Variants in LARGE1 observed in about 807,000 individuals in gnomAD.
The protein encoded by LARGE1 is LARGE xylosyl- and glucuronyltransferase 1.
Under a neutral mutation model 87.6 loss-of-function variants are expected in LARGE1, and 43 were observed. The ratio of observed to expected loss-of-function variants is 0.49; its 90% CI spans 0.38 to 0.63. The LOEUF is 0.63. Ranked by LOEUF, LARGE1 falls within the 30% of genes least tolerant of loss-of-function variation. The pLI, the probability that LARGE1 is intolerant of heterozygous loss-of-function variation, is 0.00. For synonymous variants in LARGE1, 434 were observed against 394.6 expected (o/e 1.10, Z -1.18); for missense variants, 802 against 1,000.2 (o/e 0.80, Z 2.67).
chr22:33,382,098 C>T, intron 8 of LARGE1, 54 bp from the exon 9 acceptor site: 1 of 1,609,984 alleles, frequency 6.2e-7, no homozygotes, highest in South Asian at 1.1e-5. Context: ...TCCAGCTGCC[C>T]ATTTTGGCTC....
chr22:33,678,490 A>G (rs539797005), intron 2 of LARGE1, among the ~76,000 whole-genome samples: 1 of 152,208 alleles, frequency 6.6e-6, no homozygotes, highest in African/African-American at 2.4e-5. Flanking sequence ...AGAATTCCTC[A>G]CTTTACATAA....
chr22:33,500,153 T>G (rs2070360028), intron 6 of LARGE1, among the ~76,000 whole-genome samples: 2 of 152,248 alleles, frequency 1.3e-5, no homozygotes, highest in Non-Finnish European at 2.9e-5. Flanking sequence ...TAAGATAATA[T>G]GTAAGTCTGC....
At chr22:33,274,849 A>G (rs1928888474) in intron 14 of LARGE1, among the ~76,000 whole-genome samples, 1 of 152,142 alleles carries the variant, frequency 6.6e-6, no homozygotes, top group Non-Finnish European at 1.5e-5. Flanking sequence ...GTTCTCATCT[A>G]TAAGGTGAAA....
intron 6 of LARGE1, among the ~76,000 whole-genome samples, chr22:33,462,227 G>A (rs1335281500): frequency 6.6e-6 from 1 of 152,158 alleles, no homozygotes; most frequent in Non-Finnish European, 1.5e-5. Context: ...AGCCTTAAGG[G>A]AGTGGAATAC....
chr22:33,089,243 T>C, the LARGE1 span, among the ~76,000 whole-genome samples: 1 of 152,190 alleles, frequency 6.6e-6, no homozygotes, highest in Non-Finnish European at 1.5e-5. Flanking sequence ...CCATGCTAAG[T>C]TGTTTCTTCT....
intron 2 of LARGE1, among the ~76,000 whole-genome samples, chr22:33,751,570 G>A (rs2084317894): frequency 6.6e-6 from 1 of 151,954 alleles, no homozygotes; most frequent in South Asian, 2.1e-4. Context: ...GCCTGCCCCA[G>A]TCTCTGTTCT....
intron 11 of LARGE1, among the ~76,000 whole-genome samples, chr22:33,265,899 C>A (rs1361881521): frequency 4.6e-5 from 7 of 150,648 alleles, no homozygotes; most frequent in Admixed American, 1.3e-4. Context: ...TCGCAGGCAG[C>A]ACCAACAGAG....
chr22:33,309,403 G>C (rs1434735438), intron 11 of LARGE1, among the ~76,000 whole-genome samples: 2 of 152,146 alleles, frequency 1.3e-5, no homozygotes, highest in Non-Finnish European at 2.9e-5. Context: ...CTGACCTCAG[G>C]TGATTTGACT....
intron 5 of LARGE1, among the ~76,000 whole-genome samples, chr22:33,569,445 T>C (rs967848885): frequency 3.9e-5 from 6 of 152,208 alleles, no homozygotes; most frequent in Non-Finnish European, 5.9e-5. Flanking sequence ...CCCAACTTAA[T>C]ACATAATCAA....
At chr22:33,554,661 T>A (rs2077623911) in intron 6 of LARGE1, among the ~76,000 whole-genome samples, 1 of 152,178 alleles carries the variant, frequency 6.6e-6, no homozygotes, top group Non-Finnish European at 1.5e-5. Flanking sequence ...TGCTGCCAAC[T>A]CTTTTTGAAA....
At chr22:33,787,395 T>A (rs910224880) in intron 1 of LARGE1, among the ~76,000 whole-genome samples, 1 of 152,172 alleles carries the variant, frequency 6.6e-6, no homozygotes, top group South Asian at 2.1e-4. Context: ...ATGGGTGATA[T>A]CTCAATATTG....
intron 1 of LARGE1, among the ~76,000 whole-genome samples, chr22:33,818,002 C>T (rs2086707852): frequency 6.6e-6 from 1 of 152,006 alleles, no homozygotes; most frequent in South Asian, 2.1e-4. Flanking sequence ...GAGGAAGGGC[C>T]TTTACAGGCA....
intron 2 of LARGE1, among the ~76,000 whole-genome samples, chr22:33,756,988 G>A (rs2084538116): frequency 6.6e-6 from 1 of 152,176 alleles, no homozygotes. Flanking sequence ...TGCTGACTGA[G>A]ATGTTAGAGA....
chr22:33,635,368 T>C (rs1392638293), intron 3 of LARGE1, among the ~76,000 whole-genome samples: 2 of 152,164 alleles, frequency 1.3e-5, no homozygotes. Context: ...CACCCCTGTA[T>C]GTAAGTTCTC....
chr22:33,112,764 T>A, the LARGE1 span, among the ~76,000 whole-genome samples: 1 of 152,114 alleles, frequency 6.6e-6, no homozygotes, highest in Non-Finnish European at 1.5e-5. Flanking sequence ...GCTGGAGTCC[T>A]TTTGAAGAGG....
At chr22:33,487,731 G>A (rs2069648582) in intron 6 of LARGE1, among the ~76,000 whole-genome samples, 1 of 152,072 alleles carries the variant, frequency 6.6e-6, no homozygotes, top group African/African-American at 2.4e-5. Context: ...TTCTTGGCCT[G>A]GTGTACTGGA....
intron 11 of LARGE1, among the ~76,000 whole-genome samples, chr22:33,207,117 A>G (rs1924725010): frequency 7.0e-6 from 1 of 143,002 alleles, no homozygotes; most frequent in Non-Finnish European, 1.5e-5. Context: ...GTAAAATGAA[A>G]GCATGGTTTT....
chr22:33,243,768 C>A (rs1926627451), intron 11 of LARGE1, among the ~76,000 whole-genome samples: 2 of 152,106 alleles, frequency 1.3e-5, no homozygotes, highest in South Asian at 4.1e-4. Flanking sequence ...AATATTTAGA[C>A]ATGAAAGTGT....
At chr22:33,431,827 G>T (rs1020518607) in intron 7 of LARGE1, among the ~76,000 whole-genome samples, 3 of 152,160 alleles carry the variant, frequency 2.0e-5, no homozygotes, top group African/African-American at 7.2e-5. Context: ...CTGAAATGGG[G>T]TTGTTACTGA....
Sources: gnomAD v4.1 joint callset for allele counts (sites outside exome capture counted in the v4.1 genomes callset) on GRCh38, gnomAD v4.1.1 for gene constraint, MANE v1.5 for transcripts, NCBI Gene and HGNC (gene_info 2026-07-23, HGNC 2026-07-21) for gene names.